The following DCAF8L2 variants were observed in gnomAD, a reference collection of about 807,000 sequenced individuals.
The protein encoded by DCAF8L2 is DDB1 and CUL4 associated factor 8 like 2, also known as DDB1- and CUL4-associated factor 8-like protein 2.
For synonymous variants in DCAF8L2, 200 were observed against 190.9 expected (o/e 1.05, Z -0.39); for missense variants, 430 against 490.7 (o/e 0.88, Z 1.17).
chrX:27,601,284 TAG>T (rs1236234907), intron 1 of DCAF8L2, among the ~76,000 whole-genome samples: 1 of 112,418 alleles, frequency 8.9e-6, no homozygotes, highest in African/African-American at 3.2e-5. Context: ...CTCACTCATA[TAG>T]GCCAGTAATC....
At chrX:27,494,126 G>A in the DCAF8L2 span, among the ~76,000 whole-genome samples, 4 of 111,544 alleles carry the variant, frequency 3.6e-5, no homozygotes, top group Admixed American at 9.6e-5. Flanking sequence ...TGACTTTTGC[G>A]GCCAGGCACA....
chrX:27,480,125 G>A, the DCAF8L2 span, among the ~76,000 whole-genome samples: 1 of 112,435 alleles, frequency 8.9e-6, no homozygotes, highest in Non-Finnish European at 1.9e-5. Context: ...ACAACAGTTA[G>A]TTGATTGGTT....
chrX:27,715,463 A>T (rs1931669719), intron 3 of DCAF8L2, among the ~76,000 whole-genome samples: 1 of 110,925 alleles, frequency 9.0e-6, no homozygotes, highest in African/African-American at 3.3e-5. Context: ...ACTTTAACTC[A>T]ATGGTTAAGA....
At chrX:27,508,569 A>G in the DCAF8L2 span, among the ~76,000 whole-genome samples, 5 of 108,175 alleles carry the variant, frequency 4.6e-5, no homozygotes, top group South Asian at 4.1e-4. Context: ...ACAAATTCCC[A>G]TGCCCCGGTC....
At chrX:27,604,587 G>T (rs952594480) in intron 1 of DCAF8L2, among the ~76,000 whole-genome samples, 30 of 111,709 alleles carry the variant, frequency 2.7e-4, no homozygotes, top group African/African-American at 9.1e-4. Flanking sequence ...AATGAATGAA[G>T]AATGTTATAT....
chrX:27,702,971 A>G (rs920032364), intron 3 of DCAF8L2, among the ~76,000 whole-genome samples: 1 of 111,759 alleles, frequency 8.9e-6, no homozygotes, highest in Admixed American at 9.5e-5. Context: ...CGAAAACTAT[A>G]GGAACTAATA....
the DCAF8L2 span, among the ~76,000 whole-genome samples, chrX:27,568,876 G>A: frequency 9.8e-6 from 1 of 101,898 alleles, no homozygotes; most frequent in Non-Finnish European, 2.0e-5. Context: ...CTGTGTCCAT[G>A]TGTTCTCATT....
chrX:27,675,484 A>T (rs1406465454), intron 2 of DCAF8L2, among the ~76,000 whole-genome samples: 1 of 112,324 alleles, frequency 8.9e-6, no homozygotes, highest in East Asian at 2.8e-4. Context: ...CAGACTGATT[A>T]TTTTACATGT....
chrX:27,637,958 G>C (rs986921432), intron 2 of DCAF8L2, among the ~76,000 whole-genome samples: 7 of 111,571 alleles, frequency 6.3e-5, no homozygotes, highest in African/African-American at 2.3e-4. Flanking sequence ...ACTAAGACAG[G>C]ATTAAACAAA....
At chrX:27,636,545 T>C (rs1196799635) in intron 2 of DCAF8L2, among the ~76,000 whole-genome samples, 1 of 111,865 alleles carries the variant, frequency 8.9e-6, no homozygotes, top group Non-Finnish European at 1.9e-5. Context: ...TAATGGCTGT[T>C]GCATTGGTTC....
chrX:27,641,575 A>G (rs983680788), intron 2 of DCAF8L2, among the ~76,000 whole-genome samples: 2 of 106,497 alleles, frequency 1.9e-5, no homozygotes, highest in African/African-American at 6.9e-5. Context: ...GGGTTCAAGC[A>G]GTTTTCCTGC....
the DCAF8L2 span, among the ~76,000 whole-genome samples, chrX:27,491,532 C>T: frequency 2.7e-5 from 3 of 112,031 alleles, no homozygotes; most frequent in African/African-American, 9.7e-5. Context: ...ATTGGTTTTC[C>T]TTTTAAAATT....
chrX:27,492,617 T>A, the DCAF8L2 span, among the ~76,000 whole-genome samples: 1 of 106,412 alleles, frequency 9.4e-6, no homozygotes, highest in Admixed American at 1.0e-4. Context: ...GTAGCTGGGA[T>A]TACAGGCATG....
chrX:27,499,994 A>C, the DCAF8L2 span, among the ~76,000 whole-genome samples: 2 of 111,608 alleles, frequency 1.8e-5, no homozygotes, highest in Non-Finnish European at 3.8e-5. Context: ...GTGTATTTTT[A>C]CTTTTGTTGC....
At chrX:27,541,596 G>A in the DCAF8L2 span, among the ~76,000 whole-genome samples, 1 of 109,929 alleles carries the variant, frequency 9.1e-6, no homozygotes, top group Admixed American at 9.8e-5. Context: ...TTGAACTTCC[G>A]ACCTCAGGTG....
chrX:27,640,177 C>G (rs1424279160), intron 2 of DCAF8L2, among the ~76,000 whole-genome samples: 1 of 111,631 alleles, frequency 9.0e-6, no homozygotes, highest in Non-Finnish European at 1.9e-5. Flanking sequence ...GACAAAAAAC[C>G]AAACACTGCA....
the DCAF8L2 span, among the ~76,000 whole-genome samples, chrX:27,538,556 G>A: frequency 9.1e-6 from 1 of 110,238 alleles, no homozygotes; most frequent in Non-Finnish European, 1.9e-5. Context: ...ACCACGCCCG[G>A]CTAATTTTTG....
At chrX:27,524,182 T>C in the DCAF8L2 span, among the ~76,000 whole-genome samples, 1 of 111,766 alleles carries the variant, frequency 8.9e-6, no homozygotes, top group Admixed American at 9.5e-5. Flanking sequence ...GTTGGTAGAT[T>C]CTTAATTATT....
At chrX:27,565,025 G>A in the DCAF8L2 span, among the ~76,000 whole-genome samples, 4 of 108,647 alleles carry the variant, frequency 3.7e-5, no homozygotes, top group Non-Finnish European at 5.7e-5. Flanking sequence ...TACAATTAAT[G>A]TGTTGTTAAA....
Sources: allele counts gnomAD v4.1 joint callset (sites outside exome capture counted in the v4.1 genomes callset), GRCh38; gene constraint gnomAD v4.1.1; transcripts MANE v1.5; gene names NCBI Gene and HGNC (gene_info 2026-07-23, HGNC 2026-07-21).